CNTNAP2: variants seen among roughly 807,000 people sequenced by gnomAD.
CNTNAP2 encodes contactin-associated protein-like 2.
A neutral mutation model predicts 155.2 loss-of-function variants in CNTNAP2; 98 were observed. The ratio of observed to expected loss-of-function variants is 0.63; its 90% CI spans 0.54 to 0.75. CNTNAP2 has a LOEUF of 0.75. CNTNAP2 is among the 30% of genes least tolerant of loss of function. The pLI is 0.00. For synonymous variants in CNTNAP2, 651 were observed against 631.2 expected, an observed-to-expected ratio of 1.03 and a Z score of -0.47; for missense variants, 1,727 against 1,688.1, an observed-to-expected ratio of 1.02 and a Z score of -0.40.
chr7:148,022,486 A>G (rs1297816414), intron 15 of CNTNAP2, among the ~76,000 whole-genome samples: 1 of 31,296 alleles, frequency 3.2e-5, no homozygotes, highest in Non-Finnish European at 7.9e-5. Context: ...AAAAAAAAAG[A>G]AAAGAAAAGA....
At position 146,947,089 on chromosome 7, in the gene CNTNAP2, T is replaced by G. The variant is rs573496730; in HGVS notation, c.403-96818T>G. ...TGTTGTTGCCCAGGTTGGAGTGCAG[T>G]GGCGTGACCTCAGCTCCCTGTAACT... On this transcript the variant is annotated intron_variant, in intron 3 of 23. Transcript: ENST00000361727. Among the ~76,000 whole-genome samples, 864 of 152,046 alleles carry G rather than the reference T, an allele frequency of 5.7e-3. 4 individuals carry two copies. The highest frequency in any genetic ancestry group is 8.2e-3 in the Non-Finnish European group (555 of 67,986).
intron 1 of CNTNAP2, among the ~76,000 whole-genome samples, chr7:146,133,171 G>A (rs1299306937): frequency 6.6e-6 from 1 of 152,006 alleles, no homozygotes; most frequent in African/African-American, 2.4e-5. Flanking sequence ...CAGTGATGAT[G>A]AGCATTTTTT....
intron 18 of CNTNAP2, among the ~76,000 whole-genome samples, chr7:148,201,896 G>A (rs1377574580): frequency 6.6e-6 from 1 of 151,966 alleles, no homozygotes; most frequent in African/African-American, 2.4e-5. Flanking sequence ...GCAATACACA[G>A]GGAGATATTA....
intron 11 of CNTNAP2, among the ~76,000 whole-genome samples, chr7:147,494,562 A>G (rs1445105105): frequency 1.3e-5 from 2 of 151,810 alleles, no homozygotes; most frequent in Non-Finnish European, 2.9e-5. Context: ...CTCCGAAGCT[A>G]TAAAATGCCA....
chr7:147,795,139 G>C (rs76924903), intron 13 of CNTNAP2, among the ~76,000 whole-genome samples: 6,721 of 151,432 alleles, frequency 0.044, 191 homozygotes, highest in Non-Finnish European at 0.058. Flanking sequence ...CTAGCATTTA[G>C]TTTGCTCCTC....
intron 1 of CNTNAP2, among the ~76,000 whole-genome samples, chr7:146,190,381 G>C (rs1029135236): frequency 1.3e-5 from 2 of 152,158 alleles, no homozygotes; most frequent in Non-Finnish European, 2.9e-5. Context: ...GTACGATAAA[G>C]GATGCACAAA....
At chr7:147,615,571 G>C (rs950108890) in intron 12 of CNTNAP2, among the ~76,000 whole-genome samples, 32 of 152,182 alleles carry the variant, frequency 2.1e-4, no homozygotes, top group African/African-American at 7.7e-4. Flanking sequence ...AGCCATAATT[G>C]ACAAATATTA....
At chr7:148,289,478 G>C (rs925104845) in intron 21 of CNTNAP2, among the ~76,000 whole-genome samples, 7 of 152,184 alleles carry the variant, frequency 4.6e-5, no homozygotes, top group African/African-American at 1.7e-4. Flanking sequence ...CCCTCAACTA[G>C]AGTATGACCA....
intron 19 of CNTNAP2, among the ~76,000 whole-genome samples, chr7:148,226,755 AG>A (rs1169023054): frequency 6.6e-6 from 1 of 152,240 alleles, no homozygotes; most frequent in Non-Finnish European, 1.5e-5. Flanking sequence ...GGGAAGAATC[AG>A]GGGAGAAGAA....
At chr7:146,159,030 A>G (rs1798174458) in intron 1 of CNTNAP2, among the ~76,000 whole-genome samples, 1 of 152,244 alleles carries the variant, frequency 6.6e-6, no homozygotes, top group Non-Finnish European at 1.5e-5. Flanking sequence ...CCATGAGACT[A>G]ACAGCAGATC....
At chr7:147,137,878 TA>T (rs1372934583) in intron 8 of CNTNAP2, among the ~76,000 whole-genome samples, 1 of 83,132 alleles carries the variant, frequency 1.2e-5, no homozygotes, top group Non-Finnish European at 2.6e-5. Context: ...GATACGTAGA[TA>T]GATAGATAGA....
chr7:146,932,578 T>C (rs532178882), intron 3 of CNTNAP2, among the ~76,000 whole-genome samples: 1 of 152,220 alleles, frequency 6.6e-6, no homozygotes, highest in Admixed American at 6.5e-5. Context: ...TGTTGGAAGT[T>C]CTGGCCAGGG....
intron 18 of CNTNAP2, among the ~76,000 whole-genome samples, chr7:148,182,217 A>G (rs775465725): frequency 2.6e-5 from 4 of 152,200 alleles, no homozygotes; most frequent in Non-Finnish European, 4.4e-5. Flanking sequence ...AACACTCTTT[A>G]TCTTTTCCCA....
At chr7:147,009,992 G>A (rs28647171) in intron 3 of CNTNAP2, among the ~76,000 whole-genome samples, 14,363 of 149,624 alleles carry the variant, frequency 0.096, 997 homozygotes, top group East Asian at 0.26. Flanking sequence ...CACACCAGGC[G>A]TCTATATCTT....
chr7:147,866,247 T>G (rs148832460), intron 13 of CNTNAP2, among the ~76,000 whole-genome samples: 2,462 of 151,814 alleles, frequency 0.016, 66 homozygotes, highest in African/African-American at 0.055. Flanking sequence ...ATGAGTTTCT[T>G]AATGCTGAGT....
chr7:147,929,112 A>AAAC (rs1800452501), intron 14 of CNTNAP2, among the ~76,000 whole-genome samples: 1 of 150,652 alleles, frequency 6.6e-6, no homozygotes, highest in African/African-American at 2.5e-5. Flanking sequence ...AAAAAAAAAA[A>AAAC]AAAAAAACCT....
chr7:147,716,268 G>C (rs550204108), intron 13 of CNTNAP2, among the ~76,000 whole-genome samples: 2 of 152,248 alleles, frequency 1.3e-5, no homozygotes, highest in South Asian at 4.1e-4. Context: ...CAGACACACA[G>C]AGTGAGGTTA....
intron 20 of CNTNAP2, among the ~76,000 whole-genome samples, chr7:148,260,457 TTCC>T (rs1181068030): frequency 6.6e-6 from 1 of 152,212 alleles, no homozygotes; most frequent in African/African-American, 2.4e-5. Context: ...CAATATGTGC[TTCC>T]TCCTTTTTCC....
intron 16 of CNTNAP2, among the ~76,000 whole-genome samples, chr7:148,142,197 A>G (rs1805088900): frequency 6.6e-6 from 1 of 150,636 alleles, no homozygotes; most frequent in South Asian, 2.1e-4. Context: ...TTGAGCTGGT[A>G]GGAAGGATGG....
Sources: allele counts gnomAD v4.1 joint callset (sites outside exome capture counted in the v4.1 genomes callset), GRCh38; gene constraint gnomAD v4.1.1; transcripts MANE v1.5; gene names NCBI Gene and HGNC (gene_info 2026-07-23, HGNC 2026-07-21).